Variants in NUP155 observed in about 807,000 individuals in gnomAD.
NUP155 encodes the protein nucleoporin 155.
In NUP155, 71 loss-of-function variants were observed where a neutral mutation model predicts 180.4. The observed-to-expected ratio is 0.39, with a 90% CI of 0.33 to 0.48. The LOEUF (loss-of-function observed/expected upper bound fraction) is 0.48, where lower values mean the gene tolerates loss of function less well. Ranked by LOEUF, NUP155 falls within the 20% of genes least tolerant of loss-of-function variation. The probability of loss-of-function intolerance (pLI) is 0.91; values close to 1 mark genes in which losing one functional copy is unlikely to be tolerated. For missense variants in NUP155, 1,553 were observed against 1,648.9 expected (o/e 0.94, Z 1.01); for synonymous variants, 582 against 559.5 (o/e 1.04, Z -0.57).
At chr5:37,365,640 G>A (rs539209786) in intron 1 of NUP155, among the ~76,000 whole-genome samples, 7 of 147,548 alleles carry the variant, frequency 4.7e-5, no homozygotes, top group African/African-American at 1.3e-4. Context: ...CCTGGGAGGC[G>A]GAGGCAGCAG....
intron 29 of NUP155, 32 bp downstream of exon 29, chr5:37,302,747 T>C (rs746282205): frequency 2.5e-6 from 4 of 1,612,302 alleles, no homozygotes; most frequent in South Asian, 2.2e-5. Flanking sequence ...TAGTACTCAA[T>C]GTGGACACAG....
Position 37,328,421 on chromosome 5 carries a change from C to G in NUP155, c.1814-1G>C. On this transcript the variant is annotated splice_acceptor_variant, in intron 16 of 34. Transcript: ENST00000231498. LOFTEE classifies it high-confidence loss of function. ...GGACTACCACTAGGAACAGGAGAAC[C>G]TAAAAAGGGAAAGAAGAATATAAAG... 1.3e-6 allele frequency: 2 copies of G among 1,589,628 alleles called. No homozygotes were observed. The highest frequency in any genetic ancestry group is 2.2e-5 in the East Asian group (1 of 44,736).
At chr5:37,294,976 C>A (rs1191836293) in intron 32 of NUP155, among the ~76,000 whole-genome samples, 1 of 152,080 alleles carries the variant, frequency 6.6e-6, no homozygotes, top group Non-Finnish European at 1.5e-5. Context: ...TTCACGATCC[C>A]AATATTGAAG....
chr5:37,329,310 A>T, intron 15 of NUP155, 32 bp from the exon 16 acceptor site: 1 of 1,542,250 alleles, frequency 6.5e-7, no homozygotes, highest in East Asian at 2.3e-5. Context: ...GAGTTTATTC[A>T]GTAAAACAAA....
In NUP155 at chr5:37,328,421, C is replaced by CT. The variant is rs765881765; in HGVS notation, c.1814-2dup. The CT allele has an allele frequency of 8.2e-6, 13 of 1,589,628 alleles. No homozygotes were observed. The highest frequency in any genetic ancestry group is 1.1e-5 in the Non-Finnish European group (13 of 1,157,992). The stretch of plus-strand genomic sequence containing the variant: ...GGACTACCACTAGGAACAGGAGAAC[C>CT]TAAAAAGGGAAAGAAGAATATAAAG... On this transcript the variant is annotated splice_acceptor_variant, in intron 16 of 34. Coordinates refer to ENST00000231498, the MANE Select transcript of NUP155 (RefSeq NM_153485.3). LOFTEE classifies it high-confidence loss of function.
chr5:37,356,016 G>A (rs1460656642), intron 4 of NUP155, among the ~76,000 whole-genome samples: 3 of 151,850 alleles, frequency 2.0e-5, no homozygotes. Context: ...GATCACCTGA[G>A]GTCGGGAGTT....
intron 16 of NUP155, among the ~76,000 whole-genome samples, chr5:37,328,828 G>A (rs1216012464): frequency 2.6e-5 from 4 of 152,104 alleles, no homozygotes; most frequent in African/African-American, 9.7e-5. Context: ...CTAAGCATAA[G>A]GAGTTACATT....
At chr5:37,347,564 C>A (rs1306780198) in intron 9 of NUP155, among the ~76,000 whole-genome samples, 1 of 151,730 alleles carries the variant, frequency 6.6e-6, no homozygotes, top group Non-Finnish European at 1.5e-5. Flanking sequence ...GGTGTGATGG[C>A]GCATGCCTGT....
Position 37,325,971 on chromosome 5 carries a change from G to A in NUP155, c.2025-4C>T, listed in dbSNP as rs1561786416. 4.0e-6 allele frequency: 6 copies of A among 1,509,376 alleles called. No individual in the cohort carries two copies. The Admixed American group carries it at 7.3e-5, about 18-fold the overall frequency. The allele number at this position is 1,509,376 out of a possible 1,614,324, so 93.5% of individuals were successfully genotyped here. ...TAAGCTTGCATCCCAAATGTTTCTG[G>A]AAAAAAAAAAGTTTTAATGATTGTG... On this transcript the variant is annotated splice_region_variant and splice_polypyrimidine_tract_variant and intron_variant, in intron 18 of 34. Transcript: ENST00000231498.
intron 2 of NUP155, 115 bp from the exon 3 acceptor site, chr5:37,364,099 T>A: frequency 9.2e-7 from 1 of 1,086,216 alleles, no homozygotes. Context: ...CACTCTTTAA[T>A]ACAACATGGA....
chr5:37,340,641 T>C (rs934696095), intron 11 of NUP155, among the ~76,000 whole-genome samples: 2 of 152,076 alleles, frequency 1.3e-5, no homozygotes, highest in African/African-American at 4.8e-5. Flanking sequence ...CAATGGGGGA[T>C]ATAATAGTCT....
chr5:37,309,022 A>T (rs1743356809), intron 24 of NUP155, 107 bp downstream of exon 24: 5 of 1,166,970 alleles, frequency 4.3e-6, no homozygotes, highest in Non-Finnish European at 6.3e-6. Context: ...TGCTGAAAGA[A>T]GATTTGCATC....
rs150316147 is a variant in NUP155 at position 37,332,415 on chromosome 5, G to A, written c.1519-620C>T. ...CGGCTCACTGCAAGCTCCGCCTCCC[G>A]GGTTCATGCCATTCTCCTGTCTCAG... On this transcript the variant is annotated intron_variant, in intron 13 of 34. Coordinates refer to ENST00000231498, the MANE Select transcript of NUP155 (RefSeq NM_153485.3). Among the ~76,000 whole-genome samples, 836 of 146,982 alleles carry A rather than the reference G, an allele frequency of 5.7e-3. 10 individuals carry two copies. Among genetic ancestry groups the A allele is most frequent in the African/African-American group, 0.02 (794 of 39,280 alleles).
intron 10 of NUP155, among the ~76,000 whole-genome samples, chr5:37,341,980 A>G (rs1745753084): frequency 3.3e-5 from 5 of 152,350 alleles, no homozygotes; most frequent in Middle Eastern, 3.4e-3. Flanking sequence ...TTGTGTTCCA[A>G]TTCAGGCTTT....
Position 37,348,594 on chromosome 5 carries a change from C to T in NUP155, c.906G>A (p.Val302=). The part of the protein sequence containing the change: ...YTRSEKGVIQ[V]YDLGQDGQGM... Reference sequence around the variant, plus strand: ...CTTGTCCATCTTGTCCCAAATCATACACCTGTGAATACAAAATCATTCTCA... The same window carrying T: ...CTTGTCCATCTTGTCCCAAATCATATACCTGTGAATACAAAATCATTCTCA... Residue 302 remains valine (V), a splice_region_variant and synonymous_variant, in exon 9 of 35, where the codon GTG becomes GTA. Coordinates refer to ENST00000231498, the MANE Select transcript of NUP155 (RefSeq NM_153485.3). The T allele has an allele frequency of 1.3e-6, 2 of 1,581,822 alleles. No homozygotes were observed. The highest frequency in any genetic ancestry group is 8.7e-7 in the Non-Finnish European group (1 of 1,150,592).
intron 1 of NUP155, among the ~76,000 whole-genome samples, chr5:37,368,189 C>T (rs1396020362): frequency 7.0e-6 from 1 of 142,932 alleles, no homozygotes; most frequent in Non-Finnish European, 1.5e-5. Context: ...GGATTACAGG[C>T]ATGAGGCACA....
intron 16 of NUP155, among the ~76,000 whole-genome samples, chr5:37,328,835 C>T (rs1744775312): frequency 6.6e-6 from 1 of 152,172 alleles, no homozygotes; most frequent in Admixed American, 6.5e-5. Flanking sequence ...TAAGGAGTTA[C>T]ATTGTCCACG....
rs200783324 is a variant in NUP155, at chr5:37,324,053, C to A, written c.2146G>T (p.Gly716Cys). The change falls in exon 20 of 35, where the codon GGT becomes TGT. Residue 716 changes from glycine (G) to cysteine (C), a missense_variant. By Grantham distance (159) the Gly-to-Cys change is radical. Transcript: ENST00000231498. ...TTTCTGTCTAGAAATTCCTGCAAAC[C>A]CTTTAGTTCTTGTAGCACTGACTCT... ...LLESVLQELKGLQEFLDRNSQ... is the reference protein window; with the variant it reads ...LLESVLQELKCLQEFLDRNSQ... 5 of 1,613,860 alleles carry A rather than the reference C, an allele frequency of 3.1e-6. No homozygotes were observed. Among genetic ancestry groups the A allele is most frequent in the South Asian group, 1.1e-5 (1 of 91,080 alleles).
At chr5:37,347,540 T>C (rs1320703123) in intron 9 of NUP155, among the ~76,000 whole-genome samples, 1 of 148,380 alleles carries the variant, frequency 6.7e-6, no homozygotes, top group East Asian at 2.1e-4. Context: ...CTACTAAAAA[T>C]ACAAAATTAG....
Sources: allele counts gnomAD v4.1 joint callset (sites outside exome capture counted in the v4.1 genomes callset), GRCh38; gene constraint gnomAD v4.1.1; transcripts MANE v1.5; gene names NCBI Gene and HGNC (gene_info 2026-07-23, HGNC 2026-07-21).